PCNX1: variants seen among roughly 807,000 people sequenced by gnomAD.
The protein encoded by PCNX1 is pecanex-like protein 1.
In PCNX1, 78 loss-of-function variants were observed where a neutral mutation model predicts 242.2. The observed-to-expected ratio is 0.32, with a 90% CI of 0.27 to 0.39. The LOEUF is 0.39. Among genes scored for constraint, PCNX1 ranks in the 10% least tolerant of loss-of-function variants. The pLI, the probability that PCNX1 is intolerant of heterozygous loss-of-function variation, is 1.00. For missense variants in PCNX1, 2,581 were observed against 2,856.5 expected (o/e 0.90, Z 2.20); for synonymous variants, 1,024 against 1,032.9 (o/e 0.99, Z 0.17).
intron 26 of PCNX1, among the ~76,000 whole-genome samples, chr14:71,072,764 A>G (rs2061616298): frequency 6.6e-6 from 1 of 152,202 alleles, no homozygotes; most frequent in African/African-American, 2.4e-5. Context: ...AAAAATTAAC[A>G]TTAGTGTAAC....
At chr14:71,009,590 C>A in intron 8 of PCNX1, 44 bp from the exon 9 acceptor site, 1 of 1,132,228 alleles carries the variant, frequency 8.8e-7, no homozygotes, top group South Asian at 1.7e-5. Context: ...AGGAAAAATT[C>A]TGAGTATTCT....
intron 28 of PCNX1, among the ~76,000 whole-genome samples, chr14:71,078,120 C>G (rs78597402): frequency 6.6e-6 from 1 of 152,336 alleles, no homozygotes; most frequent in African/African-American, 2.4e-5. Flanking sequence ...TTTCACTAAT[C>G]CTGGTCTGTT....
intron 9 of PCNX1, among the ~76,000 whole-genome samples, chr14:71,011,167 A>G (rs1363634329): frequency 2.0e-5 from 3 of 152,092 alleles, no homozygotes; most frequent in African/African-American, 4.8e-5. Flanking sequence ...ATTCCTGGCA[A>G]TATGTTTATT....
At chr14:70,955,107 T>C (rs566395961) in intron 2 of PCNX1, among the ~76,000 whole-genome samples, 48 of 152,218 alleles carry the variant, frequency 3.2e-4, no homozygotes, top group Non-Finnish European at 6.6e-4. Context: ...AGGTAAAAAA[T>C]GGTTCAATCT....
At chr14:70,943,113 C>T (rs538333354) in intron 1 of PCNX1, among the ~76,000 whole-genome samples, 4 of 152,248 alleles carry the variant, frequency 2.6e-5, no homozygotes, top group East Asian at 1.9e-4. Flanking sequence ...TACCCAGTCT[C>T]GGGTATTTCT....
chr14:71,076,159 A>G, intron 27 of PCNX1, 30 bp from the exon 28 acceptor site: 4 of 1,305,980 alleles, frequency 3.1e-6, no homozygotes, highest in Middle Eastern at 1.8e-4. Flanking sequence ...TTTAATCTGA[A>G]TTCTTTTTTT....
At chr14:71,056,485 T>C (rs558929039) in intron 25 of PCNX1, among the ~76,000 whole-genome samples, 2 of 152,280 alleles carry the variant, frequency 1.3e-5, no homozygotes, top group East Asian at 1.9e-4. Flanking sequence ...TTGTTGACAT[T>C]AGAATTTGGA....
chr14:71,028,969 T>C (rs1366324403), intron 16 of PCNX1, among the ~76,000 whole-genome samples, 178 bp downstream of exon 16: 1 of 152,160 alleles, frequency 6.6e-6, no homozygotes, highest in Non-Finnish European at 1.5e-5. Context: ...AGTAGTTTAA[T>C]AGTTAACCAT....
chr14:71,064,566 A>C (rs1290331514), intron 26 of PCNX1, among the ~76,000 whole-genome samples: 1 of 152,232 alleles, frequency 6.6e-6, no homozygotes, highest in East Asian at 1.9e-4. Flanking sequence ...CTGGAAAGAA[A>C]GAAAAATGAA....
intron 1 of PCNX1, among the ~76,000 whole-genome samples, chr14:70,943,443 C>T (rs578071803): frequency 6.6e-6 from 1 of 152,318 alleles, no homozygotes; most frequent in East Asian, 1.9e-4. Context: ...AGCAAAGAGA[C>T]TGGCGGCATT....
intron 2 of PCNX1, among the ~76,000 whole-genome samples, chr14:70,950,342 G>A (rs2057726524): frequency 6.6e-6 from 1 of 152,016 alleles, no homozygotes; most frequent in African/African-American, 2.4e-5. Context: ...TAGTGAAAAC[G>A]ATTATTCTGT....
intron 29 of PCNX1, among the ~76,000 whole-genome samples, chr14:71,088,778 G>A (rs1351652641): frequency 6.6e-6 from 1 of 151,658 alleles, no homozygotes; most frequent in East Asian, 1.9e-4. Flanking sequence ...CTTTGTCCAG[G>A]GTATTTATAC....
intron 28 of PCNX1, among the ~76,000 whole-genome samples, chr14:71,083,584 T>G (rs1450637909): frequency 3.3e-5 from 5 of 152,164 alleles, no homozygotes; most frequent in South Asian, 2.1e-4. Flanking sequence ...GTCTTCATGC[T>G]TTATTTCATT....
intron 3 of PCNX1, among the ~76,000 whole-genome samples, 199 bp from the exon 4 acceptor site, chr14:70,967,999 A>G (rs2058431815): frequency 6.6e-6 from 1 of 152,194 alleles, no homozygotes. Flanking sequence ...TATCAGTAAG[A>G]CACACGCAGC....
intron 6 of PCNX1, among the ~76,000 whole-genome samples, chr14:70,983,327 C>G (rs563988308): frequency 6.6e-6 from 1 of 151,614 alleles, no homozygotes; most frequent in Non-Finnish European, 1.5e-5. Flanking sequence ...TTTCTTGGGA[C>G]GGAGTCTCAC....
At chr14:71,016,991 A>T (rs1195186051) in intron 11 of PCNX1, among the ~76,000 whole-genome samples, 2 of 152,198 alleles carry the variant, frequency 1.3e-5, no homozygotes, top group African/African-American at 4.8e-5. Context: ...GCCTGATCAG[A>T]AAAAAACAAA....
At chr14:70,935,928 G>A (rs1466755200) in intron 1 of PCNX1, among the ~76,000 whole-genome samples, 1 of 152,142 alleles carries the variant, frequency 6.6e-6, no homozygotes, top group Non-Finnish European at 1.5e-5. Flanking sequence ...TTTATGACCA[G>A]TATTTCAGAT....
chr14:71,057,491 TAAAA>T lies in PCNX1; in HGVS notation c.4637-17_4637-14del. ...ACTTAAGGTTAAATTTAACTTTTTT[TAAAA>T]TCTCTTTTTATAGGATCAGATGACA... On this transcript the variant is annotated splice_polypyrimidine_tract_variant and intron_variant, in intron 25 of 35. Transcript: ENST00000304743. The T allele has an allele frequency of 6.4e-7, 1 of 1,566,848 alleles. No homozygotes were observed. Among genetic ancestry groups the T allele is most frequent in the Admixed American group, 1.7e-5 (1 of 57,524 alleles).
In PCNX1 at chr14:71,026,865, A is replaced by G; in HGVS notation, c.3449A>G (p.His1150Arg). 2.7e-6 allele frequency: 4 copies of G among 1,506,634 alleles called. No homozygotes were observed. The highest frequency in any genetic ancestry group is 3.7e-6 in the Non-Finnish European group (4 of 1,083,734). The allele number at this position is 1,506,634 out of a possible 1,614,324, so 93.3% of individuals were successfully genotyped here. A position where few individuals can be genotyped will look rare whatever the true frequency, so the allele number is the denominator to read the frequency against. ...TACCTTTGTGAACAATTGGATATTC[A>G]TATTTTTGGTGGTAATGGTGAGTAC... ...VMYLCEQLDI[H>R]IFGGNATTSL... The change falls in exon 15 of 36, where the codon CAT becomes CGT. Residue 1150 changes from histidine (H) to arginine (R), a missense_variant. Physicochemically the swap from His to Arg is conservative, Grantham distance 29 (BLOSUM62 0). This residue lies in a region of PCNX1 where 432 missense variants were observed against 443.1 expected (regional missense o/e 0.97). Coordinates refer to ENST00000304743, the MANE Select transcript of PCNX1 (RefSeq NM_014982.3).
Sources: gnomAD v4.1 joint callset for allele counts (sites outside exome capture counted in the v4.1 genomes callset) on GRCh38, gnomAD v4.1.1 for gene constraint, gnomAD v4.1.1 regional missense constraint, MANE v1.5 for transcripts, NCBI Gene and HGNC (gene_info 2026-07-23, HGNC 2026-07-21) for gene names.